GPHN: variants seen among roughly 807,000 people sequenced by gnomAD.
GPHN encodes the protein gephyrin.
GPHN carries 17 observed loss-of-function variants against 95.5 expected under a neutral mutation model. The observed-to-expected ratio is 0.18, with a 90% CI of 0.12 to 0.27. GPHN has a LOEUF of 0.27. Ranked by LOEUF, GPHN falls within the 10% of genes least tolerant of loss-of-function variation. The pLI is 1.00. For synonymous variants in GPHN, 320 were observed against 322.5 expected, an observed-to-expected ratio of 0.99 and a Z score of 0.08; for missense variants, 660 against 978.1, an observed-to-expected ratio of 0.67 and a Z score of 4.34.
At chr14:67,564,441 G>A in the GPHN span, among the ~76,000 whole-genome samples, 1 of 152,194 alleles carries the variant, frequency 6.6e-6, no homozygotes, top group Middle Eastern at 3.4e-3. Context: ...TGCCAAGCTG[G>A]GCGATGGGCA....
intron 1 of GPHN, among the ~76,000 whole-genome samples, chr14:66,604,465 A>G (rs1354161734): frequency 6.6e-6 from 1 of 152,152 alleles, no homozygotes; most frequent in East Asian, 1.9e-4. Flanking sequence ...CTTTGCAGAC[A>G]CTTGGTTATG....
At chr14:67,508,264 A>G in the GPHN span, among the ~76,000 whole-genome samples, 1 of 151,884 alleles carries the variant, frequency 6.6e-6, no homozygotes, top group African/African-American at 2.4e-5. Flanking sequence ...CTTCCCTCCC[A>G]ACTCTGACTT....
the GPHN span, among the ~76,000 whole-genome samples, chr14:67,558,151 A>G: frequency 6.6e-6 from 1 of 152,138 alleles, no homozygotes; most frequent in East Asian, 1.9e-4. Context: ...TCCCCTTCAC[A>G]ATCTCACCAA....
chr14:66,604,727 G>A (rs1377355538), intron 1 of GPHN, among the ~76,000 whole-genome samples: 1 of 151,888 alleles, frequency 6.6e-6, no homozygotes, highest in East Asian at 1.9e-4. Context: ...TAGGTTCGGG[G>A]GTACATGTAC....
chr14:67,414,911 G>T, the GPHN span, among the ~76,000 whole-genome samples: 16 of 152,314 alleles, frequency 1.1e-4, no homozygotes, highest in African/African-American at 3.6e-4. Context: ...CTTGTCCAAG[G>T]TCTTGCAGCC....
chr14:67,626,441 T>C, the GPHN span, among the ~76,000 whole-genome samples: 1 of 152,208 alleles, frequency 6.6e-6, no homozygotes, highest in Non-Finnish European at 1.5e-5. Flanking sequence ...TCCTCAAAGT[T>C]AAATGTATAG....
the GPHN span, among the ~76,000 whole-genome samples, chr14:67,452,758 G>A: frequency 6.6e-6 from 1 of 152,188 alleles, no homozygotes; most frequent in African/African-American, 2.4e-5. Context: ...TCGATTATAA[G>A]ACATGTCTAG....
chr14:66,721,682 G>A (rs1455050052), intron 2 of GPHN, among the ~76,000 whole-genome samples: 1 of 152,118 alleles, frequency 6.6e-6, no homozygotes, highest in Non-Finnish European at 1.5e-5. Context: ...CGGGCACAGT[G>A]CCTCATGCCT....
chr14:67,325,837 C>G, the GPHN span, among the ~76,000 whole-genome samples: 1 of 150,208 alleles, frequency 6.7e-6, no homozygotes, highest in Non-Finnish European at 1.5e-5. Context: ...GAGACAGAGT[C>G]TTACTCTGTC....
At chr14:67,476,624 T>C in the GPHN span, among the ~76,000 whole-genome samples, 4 of 151,998 alleles carry the variant, frequency 2.6e-5, no homozygotes, top group East Asian at 1.9e-4. Context: ...AAAAGATTCA[T>C]GTGAAGGTCA....
At chr14:67,017,637 C>G (rs972544807) in intron 9 of GPHN, among the ~76,000 whole-genome samples, 3 of 152,196 alleles carry the variant, frequency 2.0e-5, no homozygotes, top group African/African-American at 7.2e-5. Context: ...ACATCCTGCT[C>G]TCTTAGAAAA....
the GPHN span, chr14:67,576,109 T>C: frequency 2.3e-6 from 2 of 874,492 alleles, no homozygotes; most frequent in African/African-American, 1.7e-5. This position sits in a 1 kb window ranked among gnomAD's most constrained non-coding sequence, Gnocchi z 4.0. Context: ...TTATTTCCTT[T>C]TGGACACTTT....
intron 7 of GPHN, 69 bp downstream of exon 7, chr14:66,923,007 T>G (rs1567107186): frequency 1.5e-6 from 2 of 1,333,030 alleles, no homozygotes. Flanking sequence ...TCATCTGTTT[T>G]GCATCGCATC....
chr14:66,699,212 T>G (rs1187781017), intron 2 of GPHN, among the ~76,000 whole-genome samples: 5 of 152,146 alleles, frequency 3.3e-5, no homozygotes, highest in African/African-American at 7.2e-5. Flanking sequence ...CACTTCACAG[T>G]CTTAAAAGGG....
intron 11 of GPHN, among the ~76,000 whole-genome samples, chr14:67,085,568 G>A (rs2076852055): frequency 6.6e-6 from 1 of 152,182 alleles, no homozygotes; most frequent in Non-Finnish European, 1.5e-5. Context: ...GGAAGAAAGA[G>A]AGCCATGCTG....
the GPHN span, chr14:67,589,580 A>G: frequency 2.0e-6 from 2 of 985,318 alleles, no homozygotes; most frequent in African/African-American, 3.5e-5. Context: ...TAAATAAATA[A>G]GCCCTGTACA....
the GPHN span, among the ~76,000 whole-genome samples, chr14:67,418,451 C>G: frequency 6.6e-6 from 1 of 152,200 alleles, no homozygotes; most frequent in Non-Finnish European, 1.5e-5. Flanking sequence ...ATTACACATC[C>G]CTGTCCCATT....
chr14:67,134,662 T>C (rs1467882410), intron 17 of GPHN, among the ~76,000 whole-genome samples: 1 of 152,200 alleles, frequency 6.6e-6, no homozygotes, highest in Non-Finnish European at 1.5e-5. Context: ...AGTTGTATAC[T>C]GCTGCATCAC....
At chr14:67,144,247 AAAAATATATATATATATATATAT>A (rs1286306619) in intron 18 of GPHN, among the ~76,000 whole-genome samples, 5 of 68,528 alleles carry the variant, frequency 7.3e-5, no homozygotes, top group African/African-American at 1.5e-4. Flanking sequence ...AAAAAAAAAA[AAAAATATATATATATATATATAT>A]ATATATATAT....
Sources: gnomAD v4.1 joint callset for allele counts (sites outside exome capture counted in the v4.1 genomes callset) on GRCh38, gnomAD v4.1.1 for gene constraint, Gnocchi (gnomAD v3.1) non-coding constraint, MANE v1.5 for transcripts, NCBI Gene and HGNC (gene_info 2026-07-23, HGNC 2026-07-21) for gene names.